AKR1C2: variants seen among roughly 807,000 people sequenced by gnomAD.
AKR1C2 encodes the protein 3-alpha-HSD3.
In AKR1C2, 27 loss-of-function variants were observed where a neutral mutation model predicts 39.8. The observed-to-expected ratio is 0.68, with a 90% CI of 0.50 to 0.93. AKR1C2 has a LOEUF of 0.93. Ranked by LOEUF, AKR1C2 falls within the 40% of genes least tolerant of loss-of-function variation. AKR1C2 has a pLI of 0.00. For synonymous variants in AKR1C2, 114 were observed against 137.9 expected, an observed-to-expected ratio of 0.83 and a Z score of 1.22; for missense variants, 263 against 365.1, an observed-to-expected ratio of 0.72 and a Z score of 2.28.
At position 4,998,737 on chromosome 10, in the gene AKR1C2, T is replaced by C. The variant is rs1554773451; in HGVS notation, c.458A>G (p.Lys153Arg). The C allele has an allele frequency of 6.2e-7, 1 of 1,614,032 alleles. No individual in the cohort carries two copies. The highest frequency in any genetic ancestry group is 1.3e-5 in the African/African-American group (1 of 74,918). ...CTTGGCCAATCCTGCATCTTTACAC[T>C]TCTCCATGGCCTGGGAAAAAGGAAT... ...DLCATWEAME[K>R]CKDAGLAKSI... The change falls in exon 5 of 9, where the codon AAG (lysine) becomes AGG (arginine). Residue 153 changes from lysine (K) to arginine (R), a missense_variant. This residue lies in a region of AKR1C2 where 247 missense variants were observed against 267.9 expected (regional missense o/e 0.92). Transcript: ENST00000380753.
intron 1 of AKR1C2, among the ~76,000 whole-genome samples, chr10:5,003,188 T>C (rs1181746859): frequency 6.6e-6 from 1 of 151,040 alleles, no homozygotes; most frequent in Non-Finnish European, 1.5e-5. Context: ...ATTTAAACTT[T>C]CCTTGTTTGG....
chr10:5,012,866 G>GT (rs1205466457), intron 1 of AKR1C2, among the ~76,000 whole-genome samples: 3 of 152,142 alleles, frequency 2.0e-5, no homozygotes, highest in Non-Finnish European at 4.4e-5. Flanking sequence ...TAGGCATGCT[G>GT]TTTTTTCTGT....
intron 1 of AKR1C2, among the ~76,000 whole-genome samples, chr10:5,013,863 T>C (rs1402545864): frequency 4.6e-5 from 7 of 152,158 alleles, no homozygotes; most frequent in Non-Finnish European, 8.8e-5. Context: ...CAACTTCCCA[T>C]TTCCCTTTAT....
chr10:5,002,147 A>T (rs1564332771), intron 1 of AKR1C2, among the ~76,000 whole-genome samples: 1 of 152,230 alleles, frequency 6.6e-6, no homozygotes, highest in Non-Finnish European at 1.5e-5. Context: ...AATGTATGTG[A>T]ACTGTTGTCT....
intron 7 of AKR1C2, among the ~76,000 whole-genome samples, chr10:4,994,046 A>G (rs1836934266): frequency 6.6e-6 from 1 of 151,460 alleles, no homozygotes; most frequent in South Asian, 2.1e-4. Flanking sequence ...AGAGTATCCT[A>G]TGGATTTCTT....
chr10:5,013,454 G>A (rs1354217947), intron 1 of AKR1C2: 2 of 164,308 alleles, frequency 1.2e-5, no homozygotes, highest in African/African-American at 4.7e-5. Flanking sequence ...AGTATGTGAA[G>A]AGCACAAAGT....
chr10:5,008,008 G>A (rs1477411531), upstream of AKR1C2, among the ~76,000 whole-genome samples: 3 of 151,372 alleles, frequency 2.0e-5, no homozygotes, highest in African/African-American at 7.3e-5. Context: ...GGCTTCTGGG[G>A]GCTTTGGGAA....
chr10:5,005,916 A>C (rs1837392961), upstream of AKR1C2: 1 of 152,202 alleles, frequency 6.6e-6, no homozygotes, highest in South Asian at 2.1e-4. Flanking sequence ...AGAAATTATA[A>C]AAAGAAAAGG....
At chr10:4,999,849 C>A in intron 3 of AKR1C2, 3 of 844,054 alleles carry the variant, frequency 3.6e-6, no homozygotes, top group Non-Finnish European at 4.3e-6. Flanking sequence ...ATTTAAAAAG[C>A]CTTTTGTAAT....
chr10:4,991,524 C>G (rs1836844131), intron 8 of AKR1C2, among the ~76,000 whole-genome samples: 1 of 152,212 alleles, frequency 6.6e-6, no homozygotes, highest in African/African-American at 2.4e-5. Context: ...AGTGTGTACA[C>G]TAGACAGTAA....
chr10:5,012,747 A>T (rs1588311962), intron 1 of AKR1C2, among the ~76,000 whole-genome samples: 1 of 152,160 alleles, frequency 6.6e-6, no homozygotes, highest in East Asian at 1.9e-4. Context: ...ATTTGTGATA[A>T]TTTTTTACTG....
In AKR1C2 at chr10:5,003,640, C is replaced by T. The variant is rs560313498; in HGVS notation, c.84+112G>A. ...GACGGCATTGCAGAACAAAGACTGA[C>T]GTTTAAAGGGGAGTCATGCAGAGTA... On this transcript the variant is annotated intron_variant, in intron 1 of 8. Transcript: ENST00000380753. The T allele has an allele frequency of 2.7e-3, 3,069 of 1,146,420 alleles. 7 individuals carry two copies. The highest frequency in any genetic ancestry group is 3.4e-3 in the Non-Finnish European group (2,616 of 766,106). 71.0% of individuals were successfully genotyped at this position (1,146,420 alleles called of 1,614,324 possible).
At chr10:5,001,732 A>T in intron 1 of AKR1C2, 51 bp from the exon 2 acceptor site, 2 of 1,609,218 alleles carry the variant, frequency 1.2e-6, no homozygotes, top group Middle Eastern at 3.3e-4. Flanking sequence ...CCTGAGAGTT[A>T]GTTCGGGCAC....
rs1220255177 is a variant in AKR1C2 at position 4,988,979 on chromosome 10, T to A, written c.*1017A>T. On this transcript the variant is annotated 3_prime_UTR_variant, in exon 9 of 9. Transcript: ENST00000380753. ...TGAAGTCTTGGAACATTTGATTTAT[T>A]AGATGTATTATTTCCCATTTTAATC... 2 of 152,236 alleles carry A rather than the reference T, an allele frequency of 1.3e-5. No homozygotes were observed. Among genetic ancestry groups the A allele is most frequent in the African/African-American group, 2.4e-5 (1 of 41,470 alleles). 9.4% of individuals were successfully genotyped at this position (152,236 alleles called of 1,614,324 possible). A position where few individuals can be genotyped will look rare whatever the true frequency, so the allele number is the denominator to read the frequency against.
At chr10:4,995,684 A>T (rs1264934072) in intron 6 of AKR1C2, 72 bp downstream of exon 6, 17 of 1,484,824 alleles carry the variant, frequency 1.1e-5, no homozygotes, top group Non-Finnish European at 1.5e-5. Flanking sequence ...GAACTCCAGG[A>T]AACAGCATGA....
intron 8 of AKR1C2, 123 bp from the exon 9 acceptor site, chr10:4,990,161 C>G (rs782022066): frequency 1.3e-4 from 114 of 911,496 alleles, no homozygotes; most frequent in Admixed American, 3.5e-4. Flanking sequence ...TCTGACTGCT[C>G]TAGAATCTGT....
At chr10:4,991,522 C>T (rs565952541) in intron 8 of AKR1C2, among the ~76,000 whole-genome samples, 106 of 152,318 alleles carry the variant, frequency 7.0e-4, no homozygotes, top group African/African-American at 2.5e-3. Context: ...ACAGTGTGTA[C>T]ACTAGACAGT....
rs782524715 is a variant in AKR1C2, at chr10:5,003,797, A to G, written c.39T>C (p.Gly13=). 2.5e-6 allele frequency: 4 copies of G among 1,614,102 alleles called. No homozygotes were observed. In the South Asian group the frequency reaches 4.4e-5, roughly 18 times the overall value. ...CAAATCCCAGGACAGGCATGAAGTG[A>G]CCATCATTCAGCTTCACACACTGGT... ...SKYQCVKLND[G]HFMPVLGFGT... is the part of the protein sequence containing the mutation. Residue 13 remains glycine, a synonymous_variant, in exon 1 of 9, where the codon GGT becomes GGC. Transcript: ENST00000380753.
At chr10:4,993,815 A>G (rs1836923613) in intron 7 of AKR1C2, among the ~76,000 whole-genome samples, 1 of 151,580 alleles carries the variant, frequency 6.6e-6, no homozygotes, top group South Asian at 2.1e-4. Context: ...CATATGTCAT[A>G]TATCATATAT....
Sources: allele counts gnomAD v4.1 joint callset (sites outside exome capture counted in the v4.1 genomes callset), GRCh38; gene constraint gnomAD v4.1.1; regional missense constraint gnomAD v4.1.1; transcripts MANE v1.5; gene names NCBI Gene and HGNC (gene_info 2026-07-23, HGNC 2026-07-21).